ZPBP: variants seen among roughly 807,000 people sequenced by gnomAD.
ZPBP encodes the protein zona pellucida binding protein.
Under a neutral mutation model 44.8 loss-of-function variants are expected in ZPBP, and 26 were observed. The ratio of observed to expected loss-of-function variants is 0.58; its 90% CI spans 0.43 to 0.81. ZPBP has a LOEUF of 0.81. Ranked by LOEUF, ZPBP falls within the 30% of genes least tolerant of loss-of-function variation. ZPBP has a pLI of 0.00. For missense variants in ZPBP, 409 were observed against 434.0 expected (o/e 0.94, Z 0.51); for synonymous variants, 174 against 153.2 (o/e 1.14, Z -1.00).
chr7:49,944,554 T>C (rs1795021882), intron 7 of ZPBP: 1 of 153,590 alleles, frequency 6.5e-6, no homozygotes, highest in Non-Finnish European at 1.4e-5. Context: ...TCAATCTCAG[T>C]AGTTGTTATT....
chr7:49,974,247 C>G (rs1167141537), intron 7 of ZPBP, among the ~76,000 whole-genome samples: 1 of 152,004 alleles, frequency 6.6e-6, no homozygotes, highest in African/African-American at 2.4e-5. Flanking sequence ...ATGTACTTAC[C>G]ACTACTGAAT....
the ZPBP span, among the ~76,000 whole-genome samples, chr7:49,841,790 T>G: frequency 6.6e-6 from 1 of 152,200 alleles, no homozygotes; most frequent in Non-Finnish European, 1.5e-5. Context: ...ACCATTTTTG[T>G]GGGAAATCAT....
intron 6 of ZPBP, among the ~76,000 whole-genome samples, chr7:50,011,601 G>A (rs1283946352): frequency 6.6e-6 from 1 of 152,062 alleles, no homozygotes; most frequent in Non-Finnish European, 1.5e-5. Context: ...ATTCCGCAAG[G>A]CTAAATAGCA....
chr7:49,851,479 T>C (rs1017569127), intron 2 of ZPBP, among the ~76,000 whole-genome samples: 4 of 152,162 alleles, frequency 2.6e-5, no homozygotes, highest in Non-Finnish European at 2.9e-5. Flanking sequence ...CAATGTTATA[T>C]TGAAAGTGCT....
intron 7 of ZPBP, among the ~76,000 whole-genome samples, chr7:49,957,052 T>C (rs965552430): frequency 2.0e-5 from 3 of 152,122 alleles, no homozygotes; most frequent in African/African-American, 7.2e-5. Context: ...TTAATGTCAT[T>C]ATCATGGGGT....
At chr7:50,025,211 G>T (rs1186952146) in intron 5 of ZPBP, among the ~76,000 whole-genome samples, 2 of 151,882 alleles carry the variant, frequency 1.3e-5, no homozygotes, top group Admixed American at 1.3e-4. Context: ...GTCAGTTCTT[G>T]CCAATTTGAT....
intron 2 of ZPBP, among the ~76,000 whole-genome samples, chr7:49,896,522 G>GA (rs1792390643): frequency 2.0e-5 from 3 of 151,726 alleles, no homozygotes; most frequent in South Asian, 2.1e-4. Flanking sequence ...GCAATGGAAA[G>GA]AAAAAATAGT....
At chr7:49,891,779 C>T (rs983634114) in intron 2 of ZPBP, among the ~76,000 whole-genome samples, 3 of 152,144 alleles carry the variant, frequency 2.0e-5, no homozygotes, top group African/African-American at 7.2e-5. Context: ...AGTTGCACAG[C>T]AAGGACACTT....
chr7:49,945,703 T>C (rs1046023290), intron 7 of ZPBP, among the ~76,000 whole-genome samples: 12 of 152,108 alleles, frequency 7.9e-5, no homozygotes, highest in Non-Finnish European at 1.5e-4. Context: ...TTTTTAACTC[T>C]TTATTTTCAG....
chr7:50,024,821 T>C (rs1282818633), intron 5 of ZPBP, among the ~76,000 whole-genome samples: 3 of 151,884 alleles, frequency 2.0e-5, no homozygotes, highest in Non-Finnish European at 2.9e-5. Flanking sequence ...AGAAGAGTCA[T>C]TTTACCATGA....
chr7:50,020,353 T>C (rs1799030419), intron 5 of ZPBP, among the ~76,000 whole-genome samples: 1 of 152,072 alleles, frequency 6.6e-6, no homozygotes, highest in Admixed American at 6.6e-5. Context: ...AACCACAAAA[T>C]AGAATCAAAA....
chr7:50,033,138 T>C (rs999390556), intron 4 of ZPBP, among the ~76,000 whole-genome samples: 7 of 152,082 alleles, frequency 4.6e-5, no homozygotes, highest in Non-Finnish European at 8.8e-5. Flanking sequence ...AGGAGTTGGG[T>C]AAAGCATATT....
chr7:49,898,875 T>C (rs909132020), intron 2 of ZPBP, among the ~76,000 whole-genome samples: 6 of 151,394 alleles, frequency 4.0e-5, no homozygotes, highest in African/African-American at 1.5e-4. Context: ...AGAAGAAAAA[T>C]AGAATCATAA....
chr7:50,033,877 G>C (rs1037551098), intron 4 of ZPBP, among the ~76,000 whole-genome samples: 2 of 151,952 alleles, frequency 1.3e-5, no homozygotes, highest in African/African-American at 4.8e-5. Flanking sequence ...ATTTTTAGTA[G>C]AGATGGGGTT....
intron 4 of ZPBP, among the ~76,000 whole-genome samples, chr7:50,038,783 G>C (rs1799938515): frequency 6.6e-6 from 1 of 152,072 alleles, no homozygotes; most frequent in Admixed American, 6.6e-5. Context: ...GATATGTTTA[G>C]ATACACAAAT....
intron 2 of ZPBP, among the ~76,000 whole-genome samples, chr7:49,852,953 C>G (rs1282930655): frequency 6.6e-6 from 1 of 152,198 alleles, no homozygotes; most frequent in East Asian, 1.9e-4. Context: ...GGCCTCCAAA[C>G]AAATCCAGTC....
At chr7:50,082,528 T>G (rs1183223416) in intron 2 of ZPBP, among the ~76,000 whole-genome samples, 1 of 151,874 alleles carries the variant, frequency 6.6e-6, no homozygotes, top group Non-Finnish European at 1.5e-5. Flanking sequence ...TACTCATAAG[T>G]AAACTTTTAG....
At chr7:50,046,405 A>T (rs1800362836) in intron 4 of ZPBP, among the ~76,000 whole-genome samples, 1 of 152,150 alleles carries the variant, frequency 6.6e-6, no homozygotes, top group Non-Finnish European at 1.5e-5. Context: ...CCATCTGACA[A>T]AGGGCTAATA....
In ZPBP at chr7:50,031,241, T is replaced by A; in HGVS notation, c.557A>T (p.Tyr186Phe). 6.2e-7 allele frequency: 1 copy of A among 1,612,802 alleles called. No individual in the cohort carries two copies. The highest frequency in any genetic ancestry group is 8.5e-7 in the Non-Finnish European group (1 of 1,179,814). The change falls in exon 5 of 8, where the codon TAT (tyrosine) becomes TTT (phenylalanine). Residue 186 changes from tyrosine (Y) to phenylalanine (F), a missense_variant. By Grantham distance (22) the Tyr-to-Phe change is conservative. Coordinates refer to ENST00000046087, the MANE Select transcript of ZPBP (RefSeq NM_007009.3). ...AAGTTTCTTCTCAAAAGAAATATTA[T>A]AAATGCTATTGCAGGGAGCTGCATG... is the stretch of plus-strand genomic sequence containing the variant. ...RYHAAPCNSIYNISFEKKLLQ... is the reference protein window; with the variant it reads ...RYHAAPCNSIFNISFEKKLLQ...
Sources: gnomAD v4.1 joint callset for allele counts (sites outside exome capture counted in the v4.1 genomes callset) on GRCh38, gnomAD v4.1.1 for gene constraint, MANE v1.5 for transcripts, NCBI Gene and HGNC (gene_info 2026-07-23, HGNC 2026-07-21) for gene names.